The following RGS17 variants were observed in gnomAD, a reference collection of about 807,000 sequenced individuals.
The protein encoded by RGS17 is regulator of G-protein signaling 17.
Under a neutral mutation model 25.5 loss-of-function variants are expected in RGS17, and 12 were observed. The ratio of observed to expected loss-of-function variants is 0.47; its 90% CI spans 0.30 to 0.76. The LOEUF (loss-of-function observed/expected upper bound fraction) is 0.76, where lower values mean the gene tolerates loss of function less well. Among genes scored for constraint, RGS17 ranks in the 30% least tolerant of loss-of-function variants. The pLI is 0.07. For synonymous variants in RGS17, 71 were observed against 76.9 expected, an observed-to-expected ratio of 0.92 and a Z score of 0.40; for missense variants, 196 against 242.2, an observed-to-expected ratio of 0.81 and a Z score of 1.27.
intron 2 of RGS17, among the ~76,000 whole-genome samples, chr6:153,036,073 T>C (rs1194461500): frequency 6.6e-6 from 1 of 152,144 alleles, no homozygotes; most frequent in Non-Finnish European, 1.5e-5. Flanking sequence ...TTTTATTTTA[T>C]TTTTCTGAGA....
chr6:153,063,298 A>C (rs533591578), intron 1 of RGS17, among the ~76,000 whole-genome samples: 1 of 152,212 alleles, frequency 6.6e-6, no homozygotes, highest in African/African-American at 2.4e-5. Flanking sequence ...AGAATTCAAA[A>C]TATCAGTTTT....
At position 153,112,215 on chromosome 6, in the gene RGS17, T is replaced by G. The variant is rs377189712; in HGVS notation, c.-26+18909A>C. On this transcript the variant is annotated intron_variant, in intron 1 of 4. Transcript: ENST00000206262. The stretch of plus-strand genomic sequence containing the variant: ...AGGAATTGCTAACTAGAATAACCAT[T>G]TTAGAGAAGAACGAAAGTGACCTGA... Among the ~76,000 whole-genome samples, 29 of 152,208 alleles carry G rather than the reference T, an allele frequency of 1.9e-4. 1 individual carries two copies. In the South Asian group the frequency reaches 4.2e-3, roughly 22 times the overall value.
chr6:153,108,561 A>C (rs577272508), intron 1 of RGS17, among the ~76,000 whole-genome samples: 22 of 152,004 alleles, frequency 1.4e-4, no homozygotes, highest in African/African-American at 5.3e-4. Context: ...TATTTCCTTG[A>C]ATGAGAGAAG....
intron 2 of RGS17, among the ~76,000 whole-genome samples, chr6:153,036,251 C>A (rs1421561232): frequency 2.0e-5 from 3 of 152,120 alleles, no homozygotes; most frequent in Non-Finnish European, 4.4e-5. Flanking sequence ...TGGGGACTCA[C>A]TATGTTGCCT....
At chr6:153,036,217 T>C (rs1315913853) in intron 2 of RGS17, among the ~76,000 whole-genome samples, 1 of 152,138 alleles carries the variant, frequency 6.6e-6, no homozygotes, top group Non-Finnish European at 1.5e-5. Context: ...CACACTCGGC[T>C]AATTTTAAAA....
chr6:153,036,419 C>T (rs959061502), intron 2 of RGS17, among the ~76,000 whole-genome samples: 3 of 152,150 alleles, frequency 2.0e-5, no homozygotes, highest in Admixed American at 2.0e-4. Context: ...AACTCTCTCA[C>T]TCCTCCATTG....
chr6:153,088,919 T>C (rs967742799), intron 1 of RGS17, among the ~76,000 whole-genome samples: 2 of 118,658 alleles, frequency 1.7e-5, no homozygotes, highest in African/African-American at 5.9e-5. Context: ...GTCCGCAGAT[T>C]ATTGTAAGGG....
At position 153,005,188 on chromosome 6, in the gene RGS17, A is replaced by G. The variant is rs1398222476; in HGVS notation, c.*6386T>C. On this transcript the variant is annotated 3_prime_UTR_variant, in exon 5 of 5. Transcript: ENST00000206262. ...GTTTAAATTTAAATTACCTCTTATG[A>G]CAATTAGTAAGATAAGATCTTTAAT... 1 of 152,242 alleles carries G rather than the reference A, an allele frequency of 6.6e-6. No homozygotes were observed. Among genetic ancestry groups the G allele is most frequent in the Non-Finnish European group, 1.5e-5 (1 of 68,040 alleles). The allele number at this position is 152,242 out of a possible 1,614,324, so 9.4% of individuals were successfully genotyped here.
chr6:153,097,768 G>A (rs916791015), intron 1 of RGS17, among the ~76,000 whole-genome samples: 5 of 152,128 alleles, frequency 3.3e-5, no homozygotes, highest in African/African-American at 1.2e-4. Context: ...AAGGTTGTGA[G>A]AGCGACAGTA....
intron 1 of RGS17, among the ~76,000 whole-genome samples, chr6:153,056,838 CTGTG>C (rs59058708): frequency 0.04 from 5,704 of 144,368 alleles, 165 homozygotes; most frequent in African/African-American, 0.08. Flanking sequence ...AGAGGAAGGG[CTGTG>C]TGTGTGTGTG....
In RGS17 at chr6:153,054,104, ATATATATATG is replaced by A. The variant is rs1562321716; in HGVS notation, c.-25-10071_-25-10062del. Among the ~76,000 whole-genome samples, 115 of 69,630 alleles carry A rather than the reference ATATATATATG, an allele frequency of 1.7e-3. 31 individuals are homozygous for A. Among genetic ancestry groups the A allele is most frequent in the Admixed American group, 0.014 (86 of 6,318 alleles). 45.7% of individuals were successfully genotyped at this position (69,630 alleles called of 152,430 possible). ...CACACAATATTTTTTATATATATAT[ATATATATATG>A]TGTATATATATATATATACAGCTTT... On this transcript the variant is annotated intron_variant, in intron 1 of 4. Transcript: ENST00000206262.
intron 4 of RGS17, among the ~76,000 whole-genome samples, chr6:153,020,789 A>G (rs1779241012): frequency 6.6e-6 from 1 of 152,202 alleles, no homozygotes; most frequent in Non-Finnish European, 1.5e-5. Flanking sequence ...AGAAACATGC[A>G]TAGAATTTCA....
At chr6:153,031,916 A>T (rs1779367710) in intron 2 of RGS17, among the ~76,000 whole-genome samples, 1 of 152,174 alleles carries the variant, frequency 6.6e-6, no homozygotes, top group Admixed American at 6.5e-5. Context: ...GAAGGTTTTG[A>T]CAGCAAAGTG....
chr6:153,043,487 T>TAAAA (rs766892546), intron 2 of RGS17, among the ~76,000 whole-genome samples: 2 of 135,488 alleles, frequency 1.5e-5, no homozygotes, highest in Non-Finnish European at 3.2e-5. Context: ...AGCAGAGAAC[T>TAAAA]AAAAAAAAAA....
chr6:153,026,579 A>T (rs889299704), intron 2 of RGS17, 36 bp from the exon 3 acceptor site: 6 of 1,502,776 alleles, frequency 4.0e-6, no homozygotes, highest in Non-Finnish European at 5.5e-6. Context: ...TTGTCAAGGG[A>T]AATTCAATCA....
At chr6:153,025,623 T>C (rs968760107) in intron 3 of RGS17, among the ~76,000 whole-genome samples, 3 of 147,318 alleles carry the variant, frequency 2.0e-5, no homozygotes, top group African/African-American at 7.4e-5. Context: ...GCCAAAGAAG[T>C]ATGTTTATAT....
chr6:153,049,610 G>A (rs557265964), intron 1 of RGS17, among the ~76,000 whole-genome samples: 15 of 152,178 alleles, frequency 9.9e-5, no homozygotes, highest in African/African-American at 3.6e-4. Context: ...AATTAGCCAG[G>A]TGTGGTGGCG....
intron 1 of RGS17, among the ~76,000 whole-genome samples, chr6:153,092,968 C>T (rs1306069919): frequency 6.6e-6 from 1 of 152,134 alleles, no homozygotes; most frequent in Admixed American, 6.5e-5. Flanking sequence ...AATTTCCACG[C>T]TTCCTCTATC....
chr6:153,013,498 C>T (rs1237860766), intron 4 of RGS17, among the ~76,000 whole-genome samples: 2 of 152,086 alleles, frequency 1.3e-5, no homozygotes, highest in Non-Finnish European at 2.9e-5. Context: ...AAGGAAGATT[C>T]ACACATCTGT....
Sources: gnomAD v4.1 joint callset for allele counts (sites outside exome capture counted in the v4.1 genomes callset) on GRCh38, gnomAD v4.1.1 for gene constraint, MANE v1.5 for transcripts, NCBI Gene and HGNC (gene_info 2026-07-23, HGNC 2026-07-21) for gene names.